The following ROBO1 variants were observed in gnomAD, a reference collection of about 807,000 sequenced individuals.
The protein encoded by ROBO1 is roundabout homolog 1.
ROBO1 carries 149 observed loss-of-function variants against 195.9 expected under a neutral mutation model. That is an observed-to-expected ratio of 0.76 (90% CI 0.67 to 0.87). ROBO1 has a LOEUF of 0.87. Ranked by LOEUF, ROBO1 falls within the 40% of genes least tolerant of loss-of-function variation. ROBO1 has a pLI of 0.00. For missense variants in ROBO1, 1,933 were observed against 2,068.3 expected (o/e 0.93, Z 1.27); for synonymous variants, 816 against 733.2 (o/e 1.11, Z -1.82).
intron 2 of ROBO1, among the ~76,000 whole-genome samples, chr3:79,235,305 T>A (rs1314525129): frequency 1.3e-5 from 2 of 152,140 alleles, no homozygotes; most frequent in Non-Finnish European, 2.9e-5. Flanking sequence ...AAATAAGTGG[T>A]TGCATTTGGG....
intron 1 of ROBO1, among the ~76,000 whole-genome samples, chr3:79,730,851 C>T (rs936675677): frequency 6.4e-5 from 9 of 139,928 alleles, no homozygotes; most frequent in Admixed American, 1.6e-4. Context: ...AGTCTTGGCT[C>T]ACTGCAAGCT....
intron 4 of ROBO1, among the ~76,000 whole-genome samples, chr3:78,814,463 C>T (rs527537359): frequency 1.3e-5 from 2 of 151,980 alleles, no homozygotes; most frequent in South Asian, 2.1e-4. Context: ...TTCAAGGGCC[C>T]AAGAGCCTCA....
At chr3:79,532,588 C>T (rs1941702739) in intron 2 of ROBO1, among the ~76,000 whole-genome samples, 1 of 151,852 alleles carries the variant, frequency 6.6e-6, no homozygotes, top group African/African-American at 2.4e-5. Context: ...GGAAGAGCAA[C>T]AGGCAACACA....
intron 16 of ROBO1, 110 bp from the exon 17 acceptor site, chr3:78,659,917 G>GGT: frequency 1.8e-6 from 1 of 542,652 alleles, no homozygotes; most frequent in Non-Finnish European, 2.6e-6. Context: ...ATCAATATAT[G>GGT]CTTTTTTTTT....
chr3:78,995,579 A>G (rs2077343196), intron 3 of ROBO1, among the ~76,000 whole-genome samples: 2 of 152,022 alleles, frequency 1.3e-5, no homozygotes, highest in African/African-American at 4.8e-5. Context: ...TCTGCTTAAC[A>G]CCATCTTAAT....
At chr3:79,341,458 CCTAT>C (rs963708172) in intron 2 of ROBO1, among the ~76,000 whole-genome samples, 3 of 151,752 alleles carry the variant, frequency 2.0e-5, no homozygotes, top group African/African-American at 7.3e-5. Context: ...CTTAGCAGTT[CCTAT>C]CTTTTTTCTA....
chr3:79,219,119 A>T (rs759565855), intron 2 of ROBO1, among the ~76,000 whole-genome samples: 2 of 152,020 alleles, frequency 1.3e-5, no homozygotes, highest in Admixed American at 6.6e-5. Context: ...TTATTTTTTA[A>T]TTTAAATATT....
intron 2 of ROBO1, among the ~76,000 whole-genome samples, chr3:79,233,807 A>G (rs938887211): frequency 6.6e-6 from 1 of 152,116 alleles, no homozygotes; most frequent in Non-Finnish European, 1.5e-5. Context: ...ATTACCACCA[A>G]CAGTATATAT....
intron 2 of ROBO1, among the ~76,000 whole-genome samples, chr3:79,173,170 G>A (rs1031956117): frequency 3.3e-5 from 5 of 151,980 alleles, no homozygotes; most frequent in South Asian, 2.1e-4. Context: ...AGGTGACAGC[G>A]TGCTGGCAGC....
At chr3:79,692,082 G>A (rs1279925665) in intron 1 of ROBO1, among the ~76,000 whole-genome samples, 2 of 151,880 alleles carry the variant, frequency 1.3e-5, no homozygotes, top group African/African-American at 2.4e-5. Context: ...GATGATTGAA[G>A]GAAGGGTAGG....
In ROBO1 at chr3:78,617,849, G is replaced by A. The variant is rs567571169; in HGVS notation, c.4068C>T (p.Ala1356=). 7.4e-6 allele frequency: 12 copies of A among 1,613,950 alleles called. No individual in the cohort carries two copies. The highest frequency in any genetic ancestry group is 6.7e-5 in the African/African-American group (5 of 75,054). The change falls in exon 27 of 31, where the codon GCC becomes GCT. Residue 1356 remains alanine, a synonymous_variant. Coordinates refer to ENST00000464233, the MANE Select transcript of ROBO1 (RefSeq NM_002941.4). ...AGCTCTCCAGGTCCCCAACACTGGAGGCAGGTGTCTGCTCAAGCCCACGTA... is the reference window on the plus strand; with the variant it reads ...AGCTCTCCAGGTCCCCAACACTGGAAGCAGGTGTCTGCTCAAGCCCACGTA... ...LLLRGLEQTP[A]SSVGDLESSV... is the part of the protein sequence containing the mutation.
At chr3:79,249,738 A>G (rs2082685733) in intron 2 of ROBO1, among the ~76,000 whole-genome samples, 1 of 152,222 alleles carries the variant, frequency 6.6e-6, no homozygotes, top group African/African-American at 2.4e-5. Flanking sequence ...CCATCAGCCT[A>G]AATATAGCTG....
chr3:78,898,491 A>C (rs409361), intron 4 of ROBO1, among the ~76,000 whole-genome samples: 63,746 of 147,696 alleles, frequency 0.43, 15,256 homozygotes, highest in African/African-American at 0.67. Flanking sequence ...GGGTTCACGC[A>C]ATTCTCCTGC....
At chr3:78,904,557 T>A (rs553426099) in intron 4 of ROBO1, among the ~76,000 whole-genome samples, 4 of 152,042 alleles carry the variant, frequency 2.6e-5, no homozygotes, top group Admixed American at 1.3e-4. Context: ...TGGGGCTGGA[T>A]AAATAAGCCG....
intron 1 of ROBO1, among the ~76,000 whole-genome samples, chr3:79,609,547 T>C (rs1456455742): frequency 6.6e-6 from 1 of 151,942 alleles, no homozygotes; most frequent in Non-Finnish European, 1.5e-5. Flanking sequence ...AAAATATTTG[T>C]ACATTCACAT....
chr3:79,423,254 C>T (rs1432533933), intron 2 of ROBO1, among the ~76,000 whole-genome samples: 1 of 152,088 alleles, frequency 6.6e-6, no homozygotes, highest in Non-Finnish European at 1.5e-5. Flanking sequence ...GTGAGTCAAC[C>T]TCACCTGTAG....
intron 2 of ROBO1, among the ~76,000 whole-genome samples, chr3:79,190,554 G>C (rs1047373362): frequency 6.6e-6 from 1 of 151,360 alleles, no homozygotes; most frequent in African/African-American, 2.4e-5. Flanking sequence ...TTTGGTTTTA[G>C]GCATCTTACA....
intron 4 of ROBO1, among the ~76,000 whole-genome samples, chr3:78,754,634 G>C (rs1865863): frequency 8.6e-5 from 13 of 151,868 alleles, no homozygotes; most frequent in African/African-American, 3.2e-4. Context: ...AATATGCTAA[G>C]TAGTAGATTT....
rs189521174 is a variant in ROBO1 at position 79,057,962 on chromosome 3, G to T, written c.172+67494C>A. Among the ~76,000 whole-genome samples the T allele has an allele frequency of 2.0e-3, 301 of 152,142 alleles. 3 individuals carry two copies. Among genetic ancestry groups the T allele is most frequent in the South Asian group, 0.017 (83 of 4,826 alleles). On this transcript the variant is annotated intron_variant, in intron 3 of 30. Transcript: ENST00000464233. Reference sequence around the variant, plus strand: ...CTGTGCCTCAGACATGCACCTGGTTGTATCCATCTAGAAACCCAAATCTGG... The same window carrying T: ...CTGTGCCTCAGACATGCACCTGGTTTTATCCATCTAGAAACCCAAATCTGG...
Sources: gnomAD v4.1 joint callset for allele counts (sites outside exome capture counted in the v4.1 genomes callset) on GRCh38, gnomAD v4.1.1 for gene constraint, MANE v1.5 for transcripts, NCBI Gene and HGNC (gene_info 2026-07-23, HGNC 2026-07-21) for gene names.